Variants in LATS1 observed in about 807,000 individuals in gnomAD.
LATS1 encodes large tumor suppressor kinase 1.
A neutral mutation model predicts 106.6 loss-of-function variants in LATS1; 25 were observed. That is an observed-to-expected ratio of 0.23 (90% CI 0.17 to 0.33). The LOEUF is 0.33. LATS1 is among the 10% of genes least tolerant of loss of function. The probability of loss-of-function intolerance (pLI) is 1.00; values close to 1 mark genes in which losing one functional copy is unlikely to be tolerated. For synonymous variants in LATS1, 465 were observed against 455.6 expected, an observed-to-expected ratio of 1.02 and a Z score of -0.26; for missense variants, 1,040 against 1,382.6, an observed-to-expected ratio of 0.75 and a Z score of 3.93.
intron 1 of LATS1, among the ~76,000 whole-genome samples, chr6:149,705,302 T>A (rs1316953665): frequency 6.6e-6 from 1 of 152,212 alleles, no homozygotes; most frequent in Non-Finnish European, 1.5e-5. Context: ...TTTCTAAGCT[T>A]AACATTTAGC....
At position 149,678,162 on chromosome 6, in the gene LATS1, TCCAA is replaced by T. The variant is rs1221651808; in HGVS notation, c.2594-1429_2594-1426del. 8.7e-4 allele frequency among the ~76,000 whole-genome samples: 25 copies of T among 28,624 alleles called. 3 individuals carry two copies. The highest frequency in any genetic ancestry group is 2.1e-3 in the African/African-American group (22 of 10,484). 18.8% of individuals were successfully genotyped at this position (28,624 alleles called of 152,430 possible). The stretch of plus-strand genomic sequence containing the variant: ...GGTGAAACCTGGTCTCTACTAAAAA[TCCAA>T]AAAAAAAAAAAAAAAAAAAAAAAAA... On this transcript the variant is annotated intron_variant, in intron 5 of 7. Transcript: ENST00000543571.
Position 149,679,874 on chromosome 6 carries a change from C to T in LATS1, c.2593+1G>A. Reference sequence around the variant, plus strand: ...AAAATAAATTTTATGAGTTTACTTACCACTCTGATAGTACTTAGAATCGTG... The same window carrying T: ...AAAATAAATTTTATGAGTTTACTTATCACTCTGATAGTACTTAGAATCGTG... On this transcript the variant is annotated splice_donor_variant, in intron 5 of 7. Coordinates refer to ENST00000543571, the MANE Select transcript of LATS1 (RefSeq NM_004690.4). LOFTEE classifies it high-confidence loss of function. 6.4e-7 allele frequency: 1 copy of T among 1,555,144 alleles called. No homozygotes were observed. Among genetic ancestry groups the T allele is most frequent in the Non-Finnish European group, 8.7e-7 (1 of 1,151,360 alleles).
intron 4 of LATS1, 131 bp from the exon 5 acceptor site, chr6:149,680,588 T>C: frequency 4.5e-6 from 3 of 668,954 alleles, no homozygotes; most frequent in Admixed American, 6.0e-5. Flanking sequence ...ATGTTAGAAA[T>C]CTAGAAAACA....
Position 149,702,139 on chromosome 6 carries a change from A to G in LATS1, c.-13T>C. The G allele has an allele frequency of 6.5e-7, 1 of 1,548,786 alleles. No individual in the cohort carries two copies. The highest frequency in any genetic ancestry group is 8.8e-7 in the Non-Finnish European group (1 of 1,131,064). Reference sequence around the variant, plus strand: ...CACTCCTCTTCATGAAAACATCTATATATGTAGCCCACACGAAGGACTTCT... The same window carrying G: ...CACTCCTCTTCATGAAAACATCTATGTATGTAGCCCACACGAAGGACTTCT... On this transcript the variant is annotated 5_prime_UTR_variant, in exon 2 of 8. Coordinates refer to ENST00000543571, the MANE Select transcript of LATS1 (RefSeq NM_004690.4).
chr6:149,676,265 T>C lies in LATS1; in HGVS notation c.2878A>G (p.Met960Val), dbSNP rs1321197770. Reference sequence around the variant, plus strand: ...ATATAGATGCCATACCTTACCTTCATTTGTGTTTCTAATGGTGTTTGTGCC... The same window carrying C: ...ATATAGATGCCATACCTTACCTTCACTTGTGTTTCTAATGGTGTTTGTGCC... ...FLAQTPLETQ[M>V]KVINWQTSLH... is the part of the protein sequence containing the mutation. The change falls in exon 7 of 8, where the codon ATG becomes GTG. Residue 960 changes from methionine to valine, a missense_variant. Around this residue, in one of 7 missense-constraint regions of LATS1, gnomAD observed 113 missense variants for 146.3 expected, o/e 0.77. Transcript: ENST00000543571. The C allele has an allele frequency of 1.2e-6, 2 of 1,603,294 alleles. No individual in the cohort carries two copies. Among genetic ancestry groups the C allele is most frequent in the African/African-American group, 1.3e-5 (1 of 74,694 alleles).
At chr6:149,670,177 AAAAAAAAAAAAAAAAAG>A (rs1447550664) in intron 7 of LATS1, among the ~76,000 whole-genome samples, 1 of 135,838 alleles carries the variant, frequency 7.4e-6, no homozygotes, top group Non-Finnish European at 1.6e-5. Flanking sequence ...ATCTCAAAAA[AAAAAAAAAAAAAAAAAG>A]AAAAGAAAAG....
chr6:149,694,695 G>T (rs964387663), intron 3 of LATS1, among the ~76,000 whole-genome samples: 1 of 152,010 alleles, frequency 6.6e-6, no homozygotes, highest in African/African-American at 2.4e-5. Context: ...TATTAACAGC[G>T]ATGTTTGTAT....
rs749697776 is a variant in LATS1 at position 149,683,831 on chromosome 6, C to G, written c.1258G>C (p.Glu420Gln). ...MVPNRNSHNMELYNISVPGLQ... is the reference protein window; with the variant it reads ...MVPNRNSHNMQLYNISVPGLQ... ...CCAGGTACACTAATGTTATATAGTTCCATGTTATGACTATTTCTGTTTGGC... is the reference window on the plus strand; with the variant it reads ...CCAGGTACACTAATGTTATATAGTTGCATGTTATGACTATTTCTGTTTGGC... Residue 420 changes from glutamate (E) to glutamine (Q), a missense_variant, in exon 4 of 8, where the codon GAA becomes CAA. Physicochemically the swap from Glu to Gln is conservative, Grantham distance 29. Coordinates refer to ENST00000543571, the MANE Select transcript of LATS1 (RefSeq NM_004690.4). 3.1e-6 allele frequency: 5 copies of G among 1,613,912 alleles called. No individual in the cohort carries two copies. Among genetic ancestry groups the G allele is most frequent in the Non-Finnish European group, 4.2e-6 (5 of 1,180,040 alleles).
In LATS1 at chr6:149,666,225, AAAAC is replaced by A. The variant is rs376557832; in HGVS notation, c.2884-3991_2884-3988del. Among the ~76,000 whole-genome samples the A allele has an allele frequency of 2.6e-4, 40 of 152,274 alleles. No homozygotes were observed. In the South Asian group the frequency reaches 6.0e-3, roughly 23 times the overall value. On this transcript the variant is annotated intron_variant, in intron 7 of 7. Transcript: ENST00000543571. ...TACAATCCAAAATAACTTAGTATAC[AAAAC>A]AAACAAACAAAAAACAAAAACAGAA...
chr6:149,676,181 T>C, intron 7 of LATS1, 79 bp downstream of exon 7: 2 of 962,220 alleles, frequency 2.1e-6, no homozygotes, highest in Non-Finnish European at 3.3e-6. Context: ...CAGACTAAAA[T>C]GCTCTACGTA....
In LATS1 at chr6:149,661,584, C is replaced by T; in HGVS notation, c.*145G>A. ...ATAAATTAACATTTTAAAAGGATTT[C>T]CCATAATTTAGGAAAATAAAATATT... On this transcript the variant is annotated 3_prime_UTR_variant, in exon 8 of 8. Coordinates refer to ENST00000543571, the MANE Select transcript of LATS1 (RefSeq NM_004690.4). 1 of 579,882 alleles carries T rather than the reference C, an allele frequency of 1.7e-6. No homozygotes were observed. Among genetic ancestry groups the T allele is most frequent in the Middle Eastern group, 5.0e-4 (1 of 2,016 alleles). The allele number at this position is 579,882 out of a possible 1,614,324, so 35.9% of individuals were successfully genotyped here.
chr6:149,707,003 G>T (rs948511431), intron 1 of LATS1, among the ~76,000 whole-genome samples: 2 of 148,522 alleles, frequency 1.3e-5, no homozygotes, highest in Non-Finnish European at 3.0e-5. Flanking sequence ...ACACAAAACT[G>T]GACATCTCTT....
intron 1 of LATS1, among the ~76,000 whole-genome samples, chr6:149,717,451 T>C (rs1303479433): frequency 6.6e-6 from 1 of 152,216 alleles, no homozygotes; most frequent in Non-Finnish European, 1.5e-5. Context: ...CAAGGCCCTC[T>C]GGGATCCAAA....
chr6:149,673,096 C>A (rs1408011645), intron 7 of LATS1, among the ~76,000 whole-genome samples: 16 of 119,098 alleles, frequency 1.3e-4, no homozygotes, highest in Admixed American at 1.8e-4. Context: ...CTTTTCTTTT[C>A]TTTTTTTTTT....
At chr6:149,707,012 T>C (rs1252120056) in intron 1 of LATS1, among the ~76,000 whole-genome samples, 2 of 40,814 alleles carry the variant, frequency 4.9e-5, no homozygotes, top group Non-Finnish European at 8.4e-5. Flanking sequence ...TGGACATCTC[T>C]TTTTTTTTTT....
intron 3 of LATS1, 25 bp downstream of exon 3, chr6:149,695,049 G>T: frequency 6.4e-7 from 1 of 1,554,914 alleles, no homozygotes; most frequent in East Asian, 2.3e-5. Flanking sequence ...GAAGAGATGA[G>T]AAAATAAAAT....
chr6:149,678,727 A>G (rs923810144), intron 5 of LATS1, among the ~76,000 whole-genome samples: 2 of 152,182 alleles, frequency 1.3e-5, no homozygotes, highest in Non-Finnish European at 2.9e-5. Flanking sequence ...AGTGTGGTGT[A>G]GTAGAAATAA....
rs1405103375 is a variant in LATS1 at position 149,699,146 on chromosome 6, G to A, written c.348+2633C>T. ...CTGAAATGATAAAAAAGAATGAAGT[G>A]AAAACTAGATAATAATTTTGAAATA... is the stretch of plus-strand genomic sequence containing the variant. On this transcript the variant is annotated intron_variant, in intron 2 of 7. Transcript: ENST00000543571. Among the ~76,000 whole-genome samples, 27 of 151,224 alleles carry A rather than the reference G, an allele frequency of 1.8e-4. 1 individual carries two copies. Among genetic ancestry groups the A allele is most frequent in the Admixed American group, 1.8e-3 (27 of 15,162 alleles).
chr6:149,683,878 C>A lies in LATS1; in HGVS notation c.1211G>T (p.Ser404Ile). The A allele has an allele frequency of 3.7e-6, 6 of 1,614,058 alleles. No individual in the cohort carries two copies. Among genetic ancestry groups the A allele is most frequent in the Non-Finnish European group, 5.1e-6 (6 of 1,179,948 alleles). ...TGGCACCATCATAGACTGAGGAATA[C>A]TTCCATTTGTATATGACGAAGGAGC... ...SAAPSSYTNGSIPQSMMVPNR... is the reference protein window; with the variant it reads ...SAAPSSYTNGIIPQSMMVPNR... Residue 404 changes from serine to isoleucine, a missense_variant, in exon 4 of 8, where the codon AGT becomes ATT. Transcript: ENST00000543571.
Sources: gnomAD v4.1 joint callset for allele counts (sites outside exome capture counted in the v4.1 genomes callset) on GRCh38, gnomAD v4.1.1 for gene constraint, gnomAD v4.1.1 regional missense constraint, MANE v1.5 for transcripts, NCBI Gene and HGNC (gene_info 2026-07-23, HGNC 2026-07-21) for gene names.